The following HESX1 variants were observed in gnomAD, a reference collection of about 807,000 sequenced individuals.
HESX1 encodes the protein HESX homeobox 1, also known as homeobox expressed in ES cells 1.
A neutral mutation model predicts 22.5 loss-of-function variants in HESX1; 11 were observed. That is an observed-to-expected ratio of 0.49 (90% CI 0.31 to 0.81). The LOEUF (loss-of-function observed/expected upper bound fraction) is 0.81. HESX1 is among the 30% of genes least tolerant of loss of function. The pLI, the probability that HESX1 is intolerant of heterozygous loss-of-function variation, is 0.05. For synonymous variants in HESX1, 74 were observed against 76.5 expected (o/e 0.97, Z 0.17); for missense variants, 201 against 212.6 (o/e 0.95, Z 0.34).
intron 1 of HESX1, among the ~76,000 whole-genome samples, chr3:57,222,328 G>A (rs1377851004): frequency 6.6e-6 from 1 of 152,062 alleles, no homozygotes; most frequent in African/African-American, 2.4e-5. Context: ...GCAAGATCAC[G>A]GCTCACTGCA....
At chr3:57,211,716 C>T (rs867503756) in intron 1 of HESX1, among the ~76,000 whole-genome samples, 3 of 151,774 alleles carry the variant, frequency 2.0e-5, no homozygotes, top group Middle Eastern at 6.8e-3. Flanking sequence ...ACCTATAATC[C>T]TAGCTACTGG....
chr3:57,211,127 C>T (rs898294338), intron 1 of HESX1, among the ~76,000 whole-genome samples: 2 of 148,584 alleles, frequency 1.3e-5, no homozygotes, highest in Non-Finnish European at 3.0e-5. Context: ...CTGAGGCAGG[C>T]GAATCGCTTG....
chr3:57,211,811 C>T (rs150554642), intron 1 of HESX1, among the ~76,000 whole-genome samples: 210 of 151,222 alleles, frequency 1.4e-3, no homozygotes, highest in African/African-American at 4.9e-3. Context: ...CCAGCTTGGA[C>T]GACAGAGTGA....
At chr3:57,202,323 C>A (rs947298577), upstream of HESX1, among the ~76,000 whole-genome samples, 1 of 151,832 alleles carries the variant, frequency 6.6e-6, no homozygotes, top group Non-Finnish European at 1.5e-5. Context: ...ACTCACTCAA[C>A]AGATTTTTGT....
At chr3:57,220,441 T>C (rs1159475144) in intron 1 of HESX1, among the ~76,000 whole-genome samples, 1 of 152,172 alleles carries the variant, frequency 6.6e-6, no homozygotes, top group East Asian at 1.9e-4. Context: ...TATTTATTTA[T>C]TTTTCTGAGA....
intron 1 of HESX1, among the ~76,000 whole-genome samples, chr3:57,212,940 C>G (rs902477863): frequency 6.6e-6 from 1 of 152,116 alleles, no homozygotes; most frequent in African/African-American, 2.4e-5. Context: ...TATCCCTCCT[C>G]CAGCCCCTCA....
chr3:57,219,737 T>C (rs1335402482), intron 1 of HESX1, among the ~76,000 whole-genome samples: 2 of 152,216 alleles, frequency 1.3e-5, no homozygotes, highest in African/African-American at 4.8e-5. Context: ...TGCTGAATAT[T>C]AGACCTTTGT....
At chr3:57,223,133 C>A (rs1319580525) in intron 1 of HESX1, among the ~76,000 whole-genome samples, 1 of 152,084 alleles carries the variant, frequency 6.6e-6, no homozygotes, top group African/African-American at 2.4e-5. Flanking sequence ...TTTCAGATGG[C>A]AGAATGGAGA....
exon 1 of HESX1, chr3:57,226,458 G>C (rs2060645385): frequency 6.6e-6 from 1 of 152,084 alleles, no homozygotes; most frequent in Non-Finnish European, 1.5e-5. Context: ...GAACTCTTCG[G>C]GAGAGAGAGA....
At chr3:57,219,240 C>T (rs1275772473) in intron 1 of HESX1, among the ~76,000 whole-genome samples, 3 of 152,186 alleles carry the variant, frequency 2.0e-5, no homozygotes, top group South Asian at 4.1e-4. Flanking sequence ...CAGCTCCCTA[C>T]AGATGGTATC....
intron 1 of HESX1, among the ~76,000 whole-genome samples, chr3:57,216,596 G>A (rs1236499411): frequency 2.0e-5 from 3 of 152,190 alleles, no homozygotes; most frequent in Non-Finnish European, 2.9e-5. Context: ...AGGTGAGAGT[G>A]AGACTCTGTC....
intron 1 of HESX1, among the ~76,000 whole-genome samples, chr3:57,220,288 T>C (rs765193740): frequency 5.3e-5 from 8 of 152,206 alleles, no homozygotes; most frequent in South Asian, 2.1e-4. Flanking sequence ...TTTTAAAGCA[T>C]TGTCTTAACA....
At chr3:57,220,870 C>G (rs1430450479) in intron 1 of HESX1, among the ~76,000 whole-genome samples, 2 of 152,198 alleles carry the variant, frequency 1.3e-5, no homozygotes, top group African/African-American at 4.8e-5. Flanking sequence ...AAGGCTTTGC[C>G]TGACGTGGCC....
At position 57,198,216 on chromosome 3, in the gene HESX1, T is replaced by C. The variant is rs2060459264; in HGVS notation, c.539A>G (p.Asn180Ser). The change falls in exon 4 of 4, where the codon AAC (asparagine) becomes AGC (serine). Residue 180 changes from asparagine (N) to serine (S), a missense_variant. Asn to Ser is a conservative substitution (Grantham distance 46). Transcript: ENST00000295934. ...TTCTATCTATTCCAGCAGATTTGTG[T>C]TGAAATTTTTTTTCGCCATTAGAAA... The part of the protein sequence containing the change: ...SQFLMAKKNF[N>S]TNLLE 1.2e-6 allele frequency: 2 copies of C among 1,610,138 alleles called. No individual in the cohort carries two copies. Among genetic ancestry groups the C allele is most frequent in the Non-Finnish European group, 1.7e-6 (2 of 1,176,658 alleles).
At chr3:57,201,929 ATTTT>A (rs1217287669), upstream of HESX1, among the ~76,000 whole-genome samples, 2 of 133,378 alleles carry the variant, frequency 1.5e-5, no homozygotes, top group Non-Finnish European at 3.3e-5. Flanking sequence ...CTATCTATCT[ATTTT>A]TTTGAGACAG....
intron 1 of HESX1, among the ~76,000 whole-genome samples, chr3:57,216,522 G>C (rs1281857002): frequency 6.6e-6 from 1 of 152,158 alleles, no homozygotes; most frequent in Non-Finnish European, 1.5e-5. Context: ...TGAGGTGGGA[G>C]GATCACCTGA....
chr3:57,204,534 T>C (rs968089010), upstream of HESX1, among the ~76,000 whole-genome samples: 2 of 152,196 alleles, frequency 1.3e-5, no homozygotes, highest in Non-Finnish European at 2.9e-5. Context: ...TGGGGAGTAA[T>C]GAACACCTCC....
upstream of HESX1, among the ~76,000 whole-genome samples, chr3:57,204,390 GA>G (rs2060508081): frequency 6.6e-6 from 1 of 152,146 alleles, no homozygotes; most frequent in Non-Finnish European, 1.5e-5. Context: ...AGAGGTTAAA[GA>G]ACATATCTTG....
upstream of HESX1, among the ~76,000 whole-genome samples, chr3:57,203,312 TG>T (rs1170059100): frequency 6.6e-6 from 1 of 152,120 alleles, no homozygotes; most frequent in African/African-American, 2.4e-5. Context: ...CAAAAGATGA[TG>T]ATCCTTTGAA....
Sources: allele counts gnomAD v4.1 joint callset (sites outside exome capture counted in the v4.1 genomes callset), GRCh38; gene constraint gnomAD v4.1.1; transcripts MANE v1.5; gene names NCBI Gene and HGNC (gene_info 2026-07-23, HGNC 2026-07-21).